CLCNKB: variants seen among roughly 807,000 people sequenced by gnomAD.
CLCNKB encodes chloride voltage-gated channel Kb, also known as chloride channel protein ClC-Kb.
A neutral mutation model predicts 83.8 loss-of-function variants in CLCNKB; 74 were observed. The observed-to-expected ratio is 0.88, with a 90% CI of 0.73 to 1.07. CLCNKB has a LOEUF of 1.07. Among genes scored for constraint, CLCNKB ranks in the 50% least tolerant of loss-of-function variants. The pLI, the probability that CLCNKB is intolerant of heterozygous loss-of-function variation, is 0.00. For synonymous variants in CLCNKB, 358 were observed against 356.6 expected, an observed-to-expected ratio of 1.00 and a Z score of -0.04; for missense variants, 798 against 893.6, an observed-to-expected ratio of 0.89 and a Z score of 1.36.
In CLCNKB at chr1:16,050,840, C is replaced by G. The variant is rs1008435493; in HGVS notation, c.1054-35C>G. On this transcript the variant is annotated intron_variant, in intron 11 of 19. Transcript: ENST00000375679. ...GGAGGCTGGGGTCTGCCGCTGGGGG[C>G]CCCTCATGTCCAGTTCCCACCTGCC... 4 of 1,610,170 alleles carry G rather than the reference C, an allele frequency of 2.5e-6. No homozygotes were observed. The African/African-American group carries it at 5.4e-5, about 22-fold the overall frequency.
intron 3 of CLCNKB, 148 bp downstream of exon 3, chr1:16,045,834 G>T (rs1333897411): frequency 1.0e-6 from 1 of 1,001,928 alleles, no homozygotes; most frequent in Admixed American, 2.0e-5. Context: ...GACTTGCTCT[G>T]TGATCCTGGG....
chr1:16,046,614 C>G lies in CLCNKB; in HGVS notation c.309C>G (p.Leu103=). The part of the protein sequence containing the change: ...YLSWTVYPVA[L]VSFSSGFSQS... ...CCTGGACTGTGTACCCTGTGGCCCTCGTCTCTTTCTCTTCAGGCTTCTCTC... is the reference window on the plus strand; with the variant it reads ...CCTGGACTGTGTACCCTGTGGCCCTGGTCTCTTTCTCTTCAGGCTTCTCTC... The change falls in exon 4 of 20, where the codon CTC becomes CTG. Residue 103 remains leucine, a synonymous_variant. Coordinates refer to ENST00000375679, the MANE Select transcript of CLCNKB (RefSeq NM_000085.5). 7 of 1,614,168 alleles carry G rather than the reference C, an allele frequency of 4.3e-6. No individual in the cohort carries two copies. Among genetic ancestry groups the G allele is most frequent in the Non-Finnish European group, 5.9e-6 (7 of 1,180,012 alleles).
Position 16,046,989 on chromosome 1 carries a change from C to T in CLCNKB, c.358+326C>T, listed in dbSNP as rs2023122037. 1.3e-5 allele frequency among the ~76,000 whole-genome samples: 2 copies of T among 152,178 alleles called. 1 individual carries two copies. Among genetic ancestry groups the T allele is most frequent in the Admixed American group, 1.3e-4 (2 of 15,286 alleles). ...GCTCAGCCCTGCCTCCTGCTCCAGGCCAGCAGAGGGGAGCTCAAAGCTCAC... is the reference window on the plus strand; with the variant it reads ...GCTCAGCCCTGCCTCCTGCTCCAGGTCAGCAGAGGGGAGCTCAAAGCTCAC... On this transcript the variant is annotated intron_variant, in intron 4 of 19. Coordinates refer to ENST00000375679, the MANE Select transcript of CLCNKB (RefSeq NM_000085.5).
chr1:16,048,867 C>A, intron 7 of CLCNKB: 2 of 1,442,228 alleles, frequency 1.4e-6, no homozygotes, highest in South Asian at 1.5e-5. Context: ...TCCTCCTCTA[C>A]AAAATGGAGA....
intron 7 of CLCNKB, 80 bp downstream of exon 7, chr1:16,048,662 A>C (rs1308951313): frequency 9.4e-6 from 15 of 1,588,476 alleles, no homozygotes; most frequent in East Asian, 2.3e-5. Flanking sequence ...CCCAGCTGAG[A>C]GCCTGGAGGA....
In CLCNKB at chr1:16,055,712, C is replaced by T. The variant is rs1339421171; in HGVS notation, c.1883C>T (p.Thr628Ile). The change falls in exon 18 of 20, where the codon ACA (threonine) becomes ATA (isoleucine). Residue 628 changes from threonine to isoleucine, a missense_variant. Thr to Ile is a moderately conservative substitution (Grantham distance 89, BLOSUM62 -1). Coordinates refer to ENST00000375679, the MANE Select transcript of CLCNKB (RefSeq NM_000085.5). ...LQDILAAGCPTEPVTLKLSPE... is the reference protein window; with the variant it reads ...LQDILAAGCPIEPVTLKLSPE... ...GACATCTTGGCTGCAGGCTGCCCCACAGAACCAGTGACCCTGAAGCTGTCC... is the reference window on the plus strand; with the variant it reads ...GACATCTTGGCTGCAGGCTGCCCCATAGAACCAGTGACCCTGAAGCTGTCC... The T allele has an allele frequency of 1.2e-6, 2 of 1,613,898 alleles. No homozygotes were observed. The highest frequency in any genetic ancestry group is 1.3e-5 in the African/African-American group (1 of 75,040).
At position 16,056,494 on chromosome 1, in the gene CLCNKB, G is replaced by A. The variant is rs375288190; in HGVS notation, c.2002G>A (p.Val668Met). The A allele has an allele frequency of 8.1e-6, 13 of 1,612,368 alleles. No homozygotes were observed. The South Asian group carries it at 9.9e-5, about 12-fold the overall frequency. ...VTSRGRAVGC[V>M]SWVEMKKAIS... ...GTCGCGGGGCAGAGCTGTGGGCTGC[G>A]TGTCCTGGGTGGAGGTACCAGGGTC... Residue 668 changes from valine to methionine, a missense_variant, in exon 19 of 20, where the codon GTG (valine) becomes ATG (methionine). Coordinates refer to ENST00000375679, the MANE Select transcript of CLCNKB (RefSeq NM_000085.5).
At chr1:16,052,816 T>C (rs1431514895) in intron 15 of CLCNKB, among the ~76,000 whole-genome samples, 3 of 152,096 alleles carry the variant, frequency 2.0e-5, no homozygotes, top group African/African-American at 4.8e-5. Flanking sequence ...AGAATGGAAA[T>C]GGGCTTTGAG....
At chr1:16,048,853 G>A (rs976930301) in intron 7 of CLCNKB, 4 of 1,441,052 alleles carry the variant, frequency 2.8e-6, no homozygotes, top group African/African-American at 1.4e-5. Context: ...CTCTGAGCCC[G>A]GCTTCCTCCT....
At chr1:16,046,775 T>G in intron 4 of CLCNKB, 112 bp downstream of exon 4, 1 of 1,421,246 alleles carries the variant, frequency 7.0e-7, no homozygotes, top group South Asian at 1.2e-5. Context: ...GGAAGAGTCA[T>G]GTGGCTTGCC....
rs757523103 is a variant in CLCNKB at position 16,047,943 on chromosome 1, G to A, written c.397G>A (p.Val133Met). ...GGAGGTGAAGACCATGTTGGCGGGTGTGGTCTTGGAGGACTACCTGGATAT... is the reference window on the plus strand; with the variant it reads ...GGAGGTGAAGACCATGTTGGCGGGTATGGTCTTGGAGGACTACCTGGATAT... Reference protein sequence around the residue: ...IPEVKTMLAGVVLEDYLDIKN... With the variant: ...IPEVKTMLAGMVLEDYLDIKN... The change falls in exon 5 of 20, where the codon GTG becomes ATG. Residue 133 changes from valine to methionine, a missense_variant. By Grantham distance (21) the Val-to-Met change is conservative (BLOSUM62 1). Transcript: ENST00000375679. 1 of 1,614,090 alleles carries A rather than the reference G, an allele frequency of 6.2e-7. No individual in the cohort carries two copies. The highest frequency in any genetic ancestry group is 8.5e-7 in the Non-Finnish European group (1 of 1,180,030).
intron 15 of CLCNKB, among the ~76,000 whole-genome samples, chr1:16,053,036 CT>C (rs60518578): frequency 3.9e-4 from 57 of 147,952 alleles, no homozygotes; most frequent in East Asian, 9.9e-4. Context: ...GAGGCATATA[CT>C]TTTTTTTTTT....
rs1185116839 is a variant in CLCNKB at position 16,044,376 on chromosome 1, C to CAA, written c.-7-109_-7-108insAA. The stretch of plus-strand genomic sequence containing the variant: ...TCACATACACACACACACACACACA[C>CAA]ACGCACAATCTTTCCTCTTCATGGG... On this transcript the variant is annotated intron_variant, in intron 1 of 19. Transcript: ENST00000375679. 11 of 822,674 alleles carry CAA rather than the reference C, an allele frequency of 1.3e-5. 1 individual carries two copies. In the African/African-American group the frequency reaches 1.4e-4, roughly 10 times the overall value. The allele number at this position is 822,674 out of a possible 1,614,324, so 51.0% of individuals were successfully genotyped here. A position where few individuals can be genotyped will look rare whatever the true frequency, so the allele number is the denominator to read the frequency against.
chr1:16,053,244 T>C (rs1048547151), intron 15 of CLCNKB, among the ~76,000 whole-genome samples: 4 of 152,168 alleles, frequency 2.6e-5, no homozygotes, highest in African/African-American at 9.7e-5. Context: ...GCCAGGCTAG[T>C]CTTGAATTCC....
rs1274284100 is a variant in CLCNKB at position 16,056,980 on chromosome 1, C to T, written c.*64C>T. On this transcript the variant is annotated 3_prime_UTR_variant, in exon 20 of 20. Coordinates refer to ENST00000375679, the MANE Select transcript of CLCNKB (RefSeq NM_000085.5). Reference sequence around the variant, plus strand: ...CTGGTACTGAGGTTGGGCTGAGACCCTGCTTCTCTTCCCCCATCACCACCT... The same window carrying T: ...CTGGTACTGAGGTTGGGCTGAGACCTTGCTTCTCTTCCCCCATCACCACCT... 6 of 1,453,834 alleles carry T rather than the reference C, an allele frequency of 4.1e-6. No individual in the cohort carries two copies. In the East Asian group the frequency reaches 1.4e-4, roughly 33 times the overall value. The allele number at this position is 1,453,834 out of a possible 1,614,324, so 90.1% of individuals were successfully genotyped here.
At chr1:16,046,004 G>A (rs1007649511) in intron 3 of CLCNKB, among the ~76,000 whole-genome samples, 11 of 152,306 alleles carry the variant, frequency 7.2e-5, no homozygotes, top group East Asian at 5.8e-4. Flanking sequence ...CAGAGTGGGG[G>A]CACTTCCCTA....
rs1353231871 is a variant in CLCNKB at position 16,057,246 on chromosome 1, G to A, written c.*330G>A. 18 of 675,148 alleles carry A rather than the reference G, an allele frequency of 2.7e-5. No homozygotes were observed. Among genetic ancestry groups the A allele is most frequent in the Middle Eastern group, 2.4e-4 (1 of 4,218 alleles). 41.8% of individuals were successfully genotyped at this position (675,148 alleles called of 1,614,324 possible). ...ACTGTCACCAAGGGCAGGCACAGAT[G>A]CCTTCTGGGGTTGTCTGGTTCCCAG... On this transcript the variant is annotated 3_prime_UTR_variant, in exon 20 of 20. Coordinates refer to ENST00000375679, the MANE Select transcript of CLCNKB (RefSeq NM_000085.5).
rs1470674498 is a variant in CLCNKB, at chr1:16,056,745, A to G, written c.2017-124A>G. ...TCGGCCTCAGTGATCCCATCTGTGC[A>G]ATGGGGTGGCACAGGCTCTACTATT... On this transcript the variant is annotated intron_variant, in intron 19 of 19. Transcript: ENST00000375679. 3 of 979,198 alleles carry G rather than the reference A, an allele frequency of 3.1e-6. No homozygotes were observed. In the East Asian group the frequency reaches 7.8e-5, roughly 26 times the overall value. 60.7% of individuals were successfully genotyped at this position (979,198 alleles called of 1,614,324 possible). A position where few individuals can be genotyped will look rare whatever the true frequency, so the allele number is the denominator to read the frequency against.
intron 7 of CLCNKB, 30 bp downstream of exon 7, chr1:16,048,612 GTC>G (rs1344401480): frequency 6.2e-7 from 1 of 1,612,502 alleles, no homozygotes. Flanking sequence ...CGCCCCCTGG[GTC>G]CCTCAAGCTC....
Sources: allele counts gnomAD v4.1 joint callset (sites outside exome capture counted in the v4.1 genomes callset), GRCh38; gene constraint gnomAD v4.1.1; transcripts MANE v1.5; gene names NCBI Gene and HGNC (gene_info 2026-07-23, HGNC 2026-07-21).